The following COG6 variants were observed in gnomAD, a reference collection of about 807,000 sequenced individuals.
The protein encoded by COG6 is conserved oligomeric Golgi complex subunit 6.
COG6 carries 74 observed loss-of-function variants against 88.8 expected under a neutral mutation model. The observed-to-expected ratio is 0.83, with a 90% confidence interval of 0.69 to 1.01. The LOEUF (loss-of-function observed/expected upper bound fraction) is 1.01, where lower values mean the gene tolerates loss of function less well. Ranked by LOEUF, COG6 falls within the 50% of genes least tolerant of loss-of-function variation. COG6 has a pLI of 0.00. For synonymous variants in COG6, 286 were observed against 278.7 expected (o/e 1.03, Z -0.26); for missense variants, 800 against 797.9 (o/e 1.00, Z -0.03).
At chr13:39,680,889 CTG>C (rs1197675531) in intron 7 of COG6, among the ~76,000 whole-genome samples, 1 of 152,206 alleles carries the variant, frequency 6.6e-6, no homozygotes, top group Non-Finnish European at 1.5e-5. Flanking sequence ...CTTGGGTAAT[CTG>C]AGAAAATCTC....
In COG6 at chr13:39,689,910, C is replaced by T. The variant is rs545859230; in HGVS notation, c.1074+86C>T. On this transcript the variant is annotated intron_variant, in intron 11 of 18. Transcript: ENST00000455146. ...TAGAAACTTAAGAAACTGATACCAG[C>T]TCAAATACAATCTATAATTTTTTCA... The T allele has an allele frequency of 2.0e-5, 16 of 802,080 alleles. No individual in the cohort carries two copies. The East Asian group carries it at 2.6e-4, about 13-fold the overall frequency. The allele number at this position is 802,080 out of a possible 1,614,324, so 49.7% of individuals were successfully genotyped here. A position where few individuals can be genotyped will look rare whatever the true frequency, so the allele number is the denominator to read the frequency against.
intron 15 of COG6, among the ~76,000 whole-genome samples, chr13:39,721,474 A>C (rs532881858): frequency 6.6e-6 from 1 of 151,976 alleles, no homozygotes; most frequent in Non-Finnish European, 1.5e-5. Context: ...TCCAGTAGCA[A>C]TTTTCCCAGT....
chr13:39,750,933 T>C lies in COG6; in HGVS notation c.1827-13T>C, dbSNP rs777299281. 6 of 1,610,416 alleles carry C rather than the reference T, an allele frequency of 3.7e-6. No individual in the cohort carries two copies. In the African/African-American group the frequency reaches 6.7e-5, roughly 18 times the overall value. ...TCAAATGATGTGTTTACATTTTGTT[T>C]GCTTATCAATAGAGAGCAGATCGTA... is the stretch of plus-strand genomic sequence containing the variant. On this transcript the variant is annotated splice_polypyrimidine_tract_variant and intron_variant, in intron 18 of 18. Transcript: ENST00000455146.
At chr13:39,713,914 T>C (rs1048566173) in intron 13 of COG6, among the ~76,000 whole-genome samples, 4 of 152,222 alleles carry the variant, frequency 2.6e-5, no homozygotes, top group African/African-American at 9.6e-5. Context: ...AAAACTGCCA[T>C]AATTTTCACT....
chr13:39,759,796 A>C (rs1294097559), intron 18 of COG6, among the ~76,000 whole-genome samples: 1 of 152,160 alleles, frequency 6.6e-6, no homozygotes, highest in Non-Finnish European at 1.5e-5. Flanking sequence ...TAAAAGTAAA[A>C]CTTTCTTAGC....
intron 18 of COG6, among the ~76,000 whole-genome samples, chr13:39,768,775 A>G (rs975624137): frequency 5.3e-5 from 8 of 152,004 alleles, no homozygotes; most frequent in Non-Finnish European, 1.2e-4. Context: ...GCAGGCACCT[A>G]TAGACTTCAC....
chr13:39,785,557 AC>A (rs1271843849), intron 18 of COG6: 2 of 152,182 alleles, frequency 1.3e-5, no homozygotes, highest in Non-Finnish European at 1.5e-5. Flanking sequence ...TTTTCTAGTT[AC>A]TATTCAGGAG....
intron 13 of COG6, among the ~76,000 whole-genome samples, chr13:39,706,673 T>TA (rs1398289253): frequency 6.6e-6 from 1 of 151,806 alleles, no homozygotes; most frequent in African/African-American, 2.4e-5. Context: ...ATGCTTTTTT[T>TA]AAAAAAATTA....
chr13:39,664,670 C>T (rs959939600), intron 3 of COG6, among the ~76,000 whole-genome samples: 1 of 152,054 alleles, frequency 6.6e-6, no homozygotes, highest in African/African-American at 2.4e-5. Context: ...CTTTTACCTC[C>T]ATCTTATACA....
intron 4 of COG6, among the ~76,000 whole-genome samples, chr13:39,666,378 G>A (rs574008544): frequency 1.3e-5 from 2 of 152,272 alleles, no homozygotes; most frequent in South Asian, 4.1e-4. Context: ...TCCAGCCTGG[G>A]TGACAGAAGG....
exon 19 of COG6, chr13:39,790,691 TGACATCTTTA>T (rs1881913944): frequency 6.6e-6 from 1 of 152,132 alleles, no homozygotes; most frequent in Non-Finnish European, 1.5e-5. Flanking sequence ...TAAGGAGAAC[TGACATCTTTA>T]TAATATTGAA....
At chr13:39,680,799 T>C (rs1876265796) in intron 7 of COG6, among the ~76,000 whole-genome samples, 1 of 152,176 alleles carries the variant, frequency 6.6e-6, no homozygotes, top group Admixed American at 6.5e-5. Context: ...GATTCTACCC[T>C]GCCTCATCTT....
At chr13:39,749,207 G>A (rs944276879) in intron 18 of COG6, among the ~76,000 whole-genome samples, 5 of 152,168 alleles carry the variant, frequency 3.3e-5, no homozygotes, top group African/African-American at 1.2e-4. Flanking sequence ...TGGCTCAAGA[G>A]CCCAGAATAG....
rs1365853229 is a variant in COG6 at position 39,724,441 on chromosome 13, G to A, written c.1693-67G>A. 5.7e-6 allele frequency: 7 copies of A among 1,230,720 alleles called. No individual in the cohort carries two copies. The African/African-American group carries it at 7.7e-5, about 14-fold the overall frequency. The allele number at this position is 1,230,720 out of a possible 1,614,324, so 76.2% of individuals were successfully genotyped here. A position where few individuals can be genotyped will look rare whatever the true frequency, so the allele number is the denominator to read the frequency against. On this transcript the variant is annotated intron_variant, in intron 16 of 18. Transcript: ENST00000455146. Reference sequence around the variant, plus strand: ...TGCACTAATGAACTATATTCAGTAAGTGAAATGAAATGTATATCTCCTTTT... The same window carrying A: ...TGCACTAATGAACTATATTCAGTAAATGAAATGAAATGTATATCTCCTTTT...
intron 18 of COG6, among the ~76,000 whole-genome samples, chr13:39,773,560 A>T (rs1223394340): frequency 6.6e-6 from 1 of 152,214 alleles, no homozygotes; most frequent in East Asian, 1.9e-4. Flanking sequence ...GGCGGCACCC[A>T]TTTAATAAAA....
chr13:39,773,330 A>G (rs554132491), intron 18 of COG6, among the ~76,000 whole-genome samples: 2 of 152,248 alleles, frequency 1.3e-5, no homozygotes, highest in African/African-American at 2.4e-5. Flanking sequence ...GTGAGGGGAA[A>G]GATCTTTACA....
At chr13:39,784,327 G>T (rs1295979763) in intron 18 of COG6, among the ~76,000 whole-genome samples, 1 of 152,200 alleles carries the variant, frequency 6.6e-6, no homozygotes, top group Non-Finnish European at 1.5e-5. Flanking sequence ...GCAATGAGTG[G>T]TGGATTCTAG....
At position 39,668,791 on chromosome 13, in the gene COG6, A is replaced by C. The variant is rs1393230649; in HGVS notation, c.428+3637A>C. Among the ~76,000 whole-genome samples, 7 of 151,408 alleles carry C rather than the reference A, an allele frequency of 4.6e-5. No individual in the cohort carries two copies. In the East Asian group the frequency reaches 1.4e-3, roughly 29 times the overall value. ...CGACAGAGCGAGACTCCGTCTCAAA[A>C]AAAAAAAAAAAGAAAAGAAAAGAAA... On this transcript the variant is annotated intron_variant, in intron 4 of 18. Coordinates refer to ENST00000455146, the MANE Select transcript of COG6 (RefSeq NM_020751.3).
chr13:39,659,439 G>A lies in COG6; in HGVS notation c.229G>A (p.Gly77Arg), dbSNP rs767519557. 1 of 1,613,150 alleles carries A rather than the reference G, an allele frequency of 6.2e-7. No individual in the cohort carries two copies. Among genetic ancestry groups the A allele is most frequent in the Non-Finnish European group, 8.5e-7 (1 of 1,179,346 alleles). The change falls in exon 2 of 19, where the codon GGA becomes AGA. Residue 77 changes from glycine to arginine, a missense_variant. Physicochemically the swap from Gly to Arg is moderately radical, Grantham distance 125. Coordinates refer to ENST00000455146, the MANE Select transcript of COG6 (RefSeq NM_020751.3). Reference sequence around the variant, plus strand: ...TCTGCGGACTCGAAGAAATTTACGTGGAGATATTGAACGTAAAAGTTTAGC... The same window carrying A: ...TCTGCGGACTCGAAGAAATTTACGTAGAGATATTGAACGTAAAAGTTTAGC... Reference protein sequence around the residue: ...NSLRTRRNLRGDIERKSLAIN... With the variant: ...NSLRTRRNLRRDIERKSLAIN...
Sources: gnomAD v4.1 joint callset for allele counts (sites outside exome capture counted in the v4.1 genomes callset) on GRCh38, gnomAD v4.1.1 for gene constraint, MANE v1.5 for transcripts, NCBI Gene and HGNC (gene_info 2026-07-23, HGNC 2026-07-21) for gene names.